The following KAZN variants were observed in gnomAD, a reference collection of about 807,000 sequenced individuals.
KAZN encodes the protein kazrin, periplakin interacting protein.
In KAZN, 40 loss-of-function variants were observed where a neutral mutation model predicts 87.4. The ratio of observed to expected loss-of-function variants is 0.46; its 90% CI spans 0.36 to 0.60. The LOEUF (loss-of-function observed/expected upper bound fraction) is 0.60. Ranked by LOEUF, KAZN falls within the 20% of genes least tolerant of loss-of-function variation. The pLI is 0.00. For synonymous variants in KAZN, 466 were observed against 458.3 expected, an observed-to-expected ratio of 1.02 and a Z score of -0.22; for missense variants, 898 against 1,073.9, an observed-to-expected ratio of 0.84 and a Z score of 2.29.
upstream of KAZN, among the ~76,000 whole-genome samples, chr1:14,596,113 C>T (rs1219892776): frequency 1.3e-5 from 2 of 152,178 alleles, no homozygotes; most frequent in Admixed American, 6.5e-5. Context: ...CACACTCACA[C>T]GCATTCATTT....
At chr1:14,304,638 A>T in intron 2 of KAZN, 2 of 398,482 alleles carry the variant, frequency 5.0e-6, no homozygotes, top group Non-Finnish European at 8.9e-6. Flanking sequence ...ATGCATTTCC[A>T]ATGATCCAGC....
intron 1 of KAZN, among the ~76,000 whole-genome samples, chr1:14,612,933 T>C (rs1237682666): frequency 2.6e-5 from 4 of 152,330 alleles, no homozygotes; most frequent in African/African-American, 9.6e-5. Flanking sequence ...TATTGAACTA[T>C]GAATTCTCTC....
At chr1:14,900,592 A>G (rs1411056517) in intron 1 of KAZN, among the ~76,000 whole-genome samples, 3 of 152,014 alleles carry the variant, frequency 2.0e-5, no homozygotes, top group Non-Finnish European at 2.9e-5. Flanking sequence ...TCTCTACTAA[A>G]AAATAGAAAA....
intron 2 of KAZN, among the ~76,000 whole-genome samples, chr1:14,307,432 A>G (rs951394454): frequency 3.3e-5 from 5 of 152,214 alleles, no homozygotes; most frequent in Non-Finnish European, 7.3e-5. Flanking sequence ...TCTATGGTCC[A>G]GACACTGTCT....
At chr1:14,641,670 C>A (rs1337357344) in intron 1 of KAZN, among the ~76,000 whole-genome samples, 1 of 152,228 alleles carries the variant, frequency 6.6e-6, no homozygotes, top group Non-Finnish European at 1.5e-5. Context: ...ACACAACACC[C>A]TGTTCAGTCT....
intron 1 of KAZN, among the ~76,000 whole-genome samples, chr1:14,173,756 C>G (rs1646008240): frequency 6.7e-6 from 1 of 149,582 alleles, no homozygotes. Context: ...ATTTGGTTCA[C>G]ATGTCCTTTG....
rs569806535 is a variant in KAZN, at chr1:14,615,309, G to T, written c.226+16086G>T. ...CCAGAGACCTGGGTTCTAGCCTCGA[G>T]CCTGCAACTAAGAGGCTAAAGAAGA... On this transcript the variant is annotated intron_variant, in intron 1 of 14. Transcript: ENST00000376030. 3.3e-5 allele frequency among the ~76,000 whole-genome samples: 5 copies of T among 152,302 alleles called. No homozygotes were observed. In the East Asian group the frequency reaches 9.7e-4, roughly 29 times the overall value.
At chr1:14,113,373 C>G (rs1644540496) in intron 1 of KAZN, among the ~76,000 whole-genome samples, 1 of 152,184 alleles carries the variant, frequency 6.6e-6, no homozygotes, top group Non-Finnish European at 1.5e-5. Context: ...ACACCACATT[C>G]TCAGCTGAGT....
chr1:14,727,181 A>G (rs1472091239), intron 1 of KAZN, among the ~76,000 whole-genome samples: 2 of 152,214 alleles, frequency 1.3e-5, no homozygotes, highest in African/African-American at 4.8e-5. Flanking sequence ...TCTCTTGCTC[A>G]TGTTCAGTAC....
intron 1 of KAZN, among the ~76,000 whole-genome samples, chr1:14,861,111 C>T (rs1258581499): frequency 6.6e-6 from 1 of 152,208 alleles, no homozygotes; most frequent in African/African-American, 2.4e-5. Flanking sequence ...GGTGCAGTGG[C>T]TCATGCCTGT....
intron 1 of KAZN, among the ~76,000 whole-genome samples, chr1:14,892,275 G>A (rs1654798708): frequency 6.6e-6 from 1 of 152,112 alleles, no homozygotes; most frequent in Admixed American, 6.5e-5. Context: ...TCCCTGCCCC[G>A]GGGCTCGCCT....
intron 1 of KAZN, among the ~76,000 whole-genome samples, chr1:14,665,994 G>A (rs1032688427): frequency 4.6e-5 from 7 of 150,716 alleles, no homozygotes; most frequent in African/African-American, 4.9e-5. Flanking sequence ...CAATGTCTTC[G>A]GAGATGAGTT....
At chr1:14,952,367 C>T (rs958949194) in intron 1 of KAZN, among the ~76,000 whole-genome samples, 5 of 151,802 alleles carry the variant, frequency 3.3e-5, no homozygotes, top group Non-Finnish European at 5.9e-5. Context: ...ACCAGGATAC[C>T]CCTTTCACGG....
chr1:14,480,915 A>G (rs1389108633), intron 2 of KAZN, among the ~76,000 whole-genome samples: 8 of 147,870 alleles, frequency 5.4e-5, no homozygotes, highest in Admixed American at 4.8e-4. Context: ...TATATTTTAT[A>G]TATAATATAT....
intron 2 of KAZN, among the ~76,000 whole-genome samples, chr1:14,249,642 T>C (rs922191751): frequency 6.6e-6 from 1 of 152,194 alleles, no homozygotes; most frequent in Non-Finnish European, 1.5e-5. Flanking sequence ...AGGGAGTCTC[T>C]TTACGATCAT....
intron 1 of KAZN, among the ~76,000 whole-genome samples, chr1:14,953,975 C>T (rs1662791040): frequency 6.6e-6 from 1 of 152,204 alleles, no homozygotes; most frequent in Non-Finnish European, 1.5e-5. Context: ...GGACTCATTG[C>T]TTTTGCAAAC....
chr1:14,837,385 G>A (rs998362922), intron 1 of KAZN, among the ~76,000 whole-genome samples: 41 of 152,056 alleles, frequency 2.7e-4, no homozygotes, highest in African/African-American at 9.9e-4. Context: ...TTTGAGTAGA[G>A]ACGGGGTTTC....
chr1:15,103,302 C>A, intron 11 of KAZN, 57 bp from the exon 12 acceptor site: 1 of 1,313,636 alleles, frequency 7.6e-7, no homozygotes, highest in Non-Finnish European at 1.1e-6. Context: ...CCCCACTCCA[C>A]ACGTGGCCTC....
At chr1:14,096,970 A>T (rs1461664755) in intron 1 of KAZN, among the ~76,000 whole-genome samples, 1 of 152,258 alleles carries the variant, frequency 6.6e-6, no homozygotes, top group Non-Finnish European at 1.5e-5. Flanking sequence ...ATTCAGATTC[A>T]GTGGTTAAGG....
Sources: allele counts gnomAD v4.1 joint callset (sites outside exome capture counted in the v4.1 genomes callset), GRCh38; gene constraint gnomAD v4.1.1; transcripts MANE v1.5; gene names NCBI Gene and HGNC (gene_info 2026-07-23, HGNC 2026-07-21).